The following DCAF1 variants were observed in gnomAD, a reference collection of about 807,000 sequenced individuals.
DCAF1 encodes the protein DDB1 and CUL4 associated factor 1.
Under a neutral mutation model 128.0 loss-of-function variants are expected in DCAF1, and 15 were observed. The observed-to-expected ratio is 0.12, with a 90% CI of 0.08 to 0.18. The LOEUF (loss-of-function observed/expected upper bound fraction) is 0.18, where lower values mean the gene tolerates loss of function less well. Ranked by LOEUF, DCAF1 falls within the 10% of genes least tolerant of loss-of-function variation. The pLI, the probability that DCAF1 is intolerant of heterozygous loss-of-function variation, is 1.00. For missense variants in DCAF1, 988 were observed against 1,649.5 expected (o/e 0.60, Z 6.95); for synonymous variants, 610 against 603.0 (o/e 1.01, Z -0.17).
rs1424715271 is a variant in DCAF1, at chr3:51,416,886, C to T, written c.3519-15G>A. On this transcript the variant is annotated splice_polypyrimidine_tract_variant and intron_variant, in intron 17 of 24. Transcript: ENST00000684031. ...TGAAGGAATGCCTATGGACAAACAA[C>T]AGGAGCACTGAAGTGACAGATCTTC... The T allele has an allele frequency of 3.8e-6, 6 of 1,599,000 alleles. No homozygotes were observed. Among genetic ancestry groups the T allele is most frequent in the African/African-American group, 1.3e-5 (1 of 74,726 alleles).
At chr3:51,471,137 A>G (rs1704690234) in intron 3 of DCAF1, 132 bp from the exon 4 acceptor site, 2 of 503,712 alleles carry the variant, frequency 4.0e-6, no homozygotes, top group Admixed American at 6.4e-5. Context: ...TCTGATGTAC[A>G]TAGAAATCTA....
intron 23 of DCAF1, among the ~76,000 whole-genome samples, chr3:51,404,797 T>C (rs1232589606): frequency 6.6e-6 from 1 of 152,196 alleles, no homozygotes; most frequent in Non-Finnish European, 1.5e-5. Context: ...CCTGAGACTA[T>C]TCCAAAGCCT....
intron 23 of DCAF1, among the ~76,000 whole-genome samples, chr3:51,406,464 T>C (rs1351141689): frequency 2.0e-5 from 3 of 151,974 alleles, no homozygotes; most frequent in Non-Finnish European, 4.4e-5. Context: ...AAGACTTCTT[T>C]TAGGGCTTAG....
In DCAF1 at chr3:51,418,169, A is replaced by G. The variant is rs782528882; in HGVS notation, c.3465T>C (p.Thr1155=). ...RDGSLLLTSA[T]WSQPLSALWG... ...AAAGTGCAGACAAAGGCTGGCTCCA[A>G]GTAGCAGATGTCAGCAGCAAGGACC... is the stretch of plus-strand genomic sequence containing the variant. The change falls in exon 17 of 25, where the codon ACT becomes ACC. Residue 1155 remains threonine, a synonymous_variant. Transcript: ENST00000684031. The G allele has an allele frequency of 6.2e-7, 1 of 1,612,590 alleles. No homozygotes were observed. The highest frequency in any genetic ancestry group is 8.5e-7 in the Non-Finnish European group (1 of 1,179,346).
intron 5 of DCAF1, among the ~76,000 whole-genome samples, chr3:51,465,536 G>C (rs1704042530): frequency 6.6e-6 from 1 of 152,040 alleles, no homozygotes; most frequent in Non-Finnish European, 1.5e-5. Flanking sequence ...CTGAAGTCAG[G>C]AGTTTGAGAC....
At chr3:51,457,654 A>G (rs1703068690) in intron 6 of DCAF1, among the ~76,000 whole-genome samples, 1 of 152,214 alleles carries the variant, frequency 6.6e-6, no homozygotes, top group Admixed American at 6.6e-5. Context: ...TGTTAAGGGC[A>G]GCCAGAGAGA....
At chr3:51,476,530 A>G (rs944474975) in intron 3 of DCAF1, among the ~76,000 whole-genome samples, 1 of 151,060 alleles carries the variant, frequency 6.6e-6, no homozygotes, top group South Asian at 2.1e-4. Flanking sequence ...ACAAAAAAAA[A>G]ATCCATCTAG....
Position 51,412,406 on chromosome 3 carries a change from T to C in DCAF1, c.4185A>G (p.Ala1395=), listed in dbSNP as rs782496789. Residue 1395 remains alanine (A), a synonymous_variant, in exon 23 of 25, where the codon GCA becomes GCG. Transcript: ENST00000684031. The part of the protein sequence containing the change: ...RLYEVGRQRL[A]EDEDEEEDQE... ...GGTCCTCCTCTTCATCCTCATCCTCTGCCAGACGCTGCCTGCCCACTTCAT... is the reference window on the plus strand; with the variant it reads ...GGTCCTCCTCTTCATCCTCATCCTCCGCCAGACGCTGCCTGCCCACTTCAT... 2.3e-5 allele frequency: 37 copies of C among 1,613,834 alleles called. No individual in the cohort carries two copies. Among genetic ancestry groups the C allele is most frequent in the Middle Eastern group, 1.6e-4 (1 of 6,084 alleles).
In DCAF1 at chr3:51,398,482, G is replaced by T. The variant is rs529825114; in HGVS notation, c.*287C>A. ...TATTGTGAAATACCCCAGAGACATG[G>T]TTTTTTTTTCCCCTTGAAAGATATG... On this transcript the variant is annotated 3_prime_UTR_variant, in exon 25 of 25. Coordinates refer to ENST00000684031, the MANE Select transcript of DCAF1 (RefSeq NM_001387579.1). The T allele has an allele frequency of 2.2e-4, 80 of 357,432 alleles. No homozygotes were observed. The Middle Eastern group carries it at 2.3e-3, about 10-fold the overall frequency. The allele number at this position is 357,432 out of a possible 1,614,324, so 22.1% of individuals were successfully genotyped here. A position where few individuals can be genotyped will look rare whatever the true frequency, so the allele number is the denominator to read the frequency against.
intron 6 of DCAF1, among the ~76,000 whole-genome samples, chr3:51,461,547 C>A (rs1468764453): frequency 2.0e-5 from 3 of 152,118 alleles, no homozygotes; most frequent in Admixed American, 6.5e-5. Context: ...TTTGACCCAG[C>A]CATCCCATTA....
At chr3:51,492,732 T>C (rs934824227) in intron 2 of DCAF1, among the ~76,000 whole-genome samples, 2 of 152,128 alleles carry the variant, frequency 1.3e-5, no homozygotes, top group Non-Finnish European at 2.9e-5. Flanking sequence ...CGGTGGCTCA[T>C]GCTTGCAATC....
At chr3:51,498,238 T>C (rs1290578192) in intron 1 of DCAF1, among the ~76,000 whole-genome samples, 4 of 150,042 alleles carry the variant, frequency 2.7e-5, no homozygotes, top group African/African-American at 7.4e-5. Flanking sequence ...CGCGTGCCTG[T>C]AGTCCCAGCT....
chr3:51,483,633 G>GTGTGTGTGTC (rs1706543860), intron 3 of DCAF1, 86 bp downstream of exon 3: 1 of 849,772 alleles, frequency 1.2e-6, no homozygotes, highest in Admixed American at 1.9e-5. Flanking sequence ...GTGTGTGTGT[G>GTGTGTGTGTC]TGTGTGTGTG....
intron 2 of DCAF1, among the ~76,000 whole-genome samples, chr3:51,495,036 A>C (rs1292911725): frequency 2.6e-5 from 4 of 152,192 alleles, no homozygotes; most frequent in Non-Finnish European, 5.9e-5. Context: ...AAAAAATAAA[A>C]AATAGGCCAG....
upstream of DCAF1, among the ~76,000 whole-genome samples, chr3:51,503,418 C>A (rs1553664734): frequency 6.6e-6 from 1 of 152,184 alleles, no homozygotes; most frequent in African/African-American, 2.4e-5. Context: ...GAGCTTTTCA[C>A]TCCCAGCACC....
Position 51,412,962 on chromosome 3 carries a change from A to G in DCAF1, c.4110+31T>C, listed in dbSNP as rs782744445. ...GAAAATTATCCTAAACATCAGAACA[A>G]AAGAGCAGGGCCTCTGCAAGCTCCC... On this transcript the variant is annotated intron_variant, in intron 22 of 24. Transcript: ENST00000684031. The G allele has an allele frequency of 1.4e-5, 22 of 1,612,208 alleles. 1 individual carries two copies. The South Asian group carries it at 2.4e-4, about 18-fold the overall frequency.
intron 9 of DCAF1, chr3:51,436,510 G>A (rs982425277): frequency 8.4e-5 from 41 of 487,896 alleles, no homozygotes; most frequent in Admixed American, 6.3e-4. Flanking sequence ...ATGCAGCAGG[G>A]TGAAAAAGCT....
At chr3:51,483,640 T>C (rs1225145216) in intron 3 of DCAF1, 79 bp downstream of exon 3, 1 of 898,500 alleles carries the variant, frequency 1.1e-6, no homozygotes, top group African/African-American at 1.6e-5. Context: ...TGTGTGTGTG[T>C]GTGTGTATGA....
intron 4 of DCAF1, among the ~76,000 whole-genome samples, chr3:51,470,041 A>G (rs1704564164): frequency 6.6e-6 from 1 of 152,066 alleles, no homozygotes; most frequent in South Asian, 2.1e-4. Flanking sequence ...AATAATAATA[A>G]ATAAGCCCAA....
Sources: allele counts gnomAD v4.1 joint callset (sites outside exome capture counted in the v4.1 genomes callset), GRCh38; gene constraint gnomAD v4.1.1; transcripts MANE v1.5; gene names NCBI Gene and HGNC (gene_info 2026-07-23, HGNC 2026-07-21).